The following XXYLT1 variants were observed in gnomAD, a reference collection of about 807,000 sequenced individuals.
XXYLT1 encodes the protein xyloside xylosyltransferase 1.
Under a neutral mutation model 28.9 loss-of-function variants are expected in XXYLT1, and 20 were observed. That is an observed-to-expected ratio of 0.69 (90% CI 0.49 to 1.00). The LOEUF is 1.00. Among genes scored for constraint, XXYLT1 ranks in the 50% least tolerant of loss-of-function variants. The pLI is 0.00. For missense variants in XXYLT1, 542 were observed against 560.1 expected (o/e 0.97, Z 0.33); for synonymous variants, 257 against 253.8 (o/e 1.01, Z -0.12).
intron 2 of XXYLT1, among the ~76,000 whole-genome samples, chr3:195,166,940 G>C (rs57892101): frequency 0.041 from 6,171 of 152,188 alleles, 421 homozygotes; most frequent in African/African-American, 0.14. Flanking sequence ...GCCTCCCAAA[G>C]TGCTGGGATT....
intron 3 of XXYLT1, among the ~76,000 whole-genome samples, chr3:195,110,715 G>GA (rs1717625523): frequency 7.1e-6 from 1 of 140,904 alleles, no homozygotes; most frequent in African/African-American, 2.9e-5. Flanking sequence ...TGGTGTGTGT[G>GA]GTGTGTGTGT....
chr3:195,123,476 G>A (rs543200126), intron 3 of XXYLT1, among the ~76,000 whole-genome samples: 10 of 152,258 alleles, frequency 6.6e-5, no homozygotes, highest in African/African-American at 2.2e-4. Flanking sequence ...CACTAACGTC[G>A]GTGATATAAC....
rs543996315 is a variant in XXYLT1 at position 195,087,807 on chromosome 3, G to A, written c.786-17696C>T. On this transcript the variant is annotated intron_variant, in intron 3 of 3. Transcript: ENST00000310380. ...CACTAGGGAGTGCCAGACAGTGGGC[G>A]CAGGTCAGTGGGTGCGCGCACCGTG... Among the ~76,000 whole-genome samples the A allele has an allele frequency of 4.1e-3, 622 of 152,240 alleles. 2 individuals carry two copies. Among genetic ancestry groups the A allele is most frequent in the African/African-American group, 0.014 (573 of 41,512 alleles).
At chr3:195,107,690 CA>C (rs1348024410) in intron 3 of XXYLT1, among the ~76,000 whole-genome samples, 1 of 118,406 alleles carries the variant, frequency 8.4e-6, no homozygotes, top group Non-Finnish European at 1.8e-5. Context: ...CCACAAGTGC[CA>C]GGGGGGCAAA....
At position 195,117,114 on chromosome 3, in the gene XXYLT1, T is replaced by TACACACACACACACACACAC. The variant is rs10633458; in HGVS notation, c.785+39315_785+39334dup. 3.3e-3 allele frequency among the ~76,000 whole-genome samples: 498 copies of TACACACACACACACACACAC among 148,730 alleles called. 3 individuals carry two copies. The highest frequency in any genetic ancestry group is 0.011 in the African/African-American group (463 of 40,388). On this transcript the variant is annotated intron_variant, in intron 3 of 3. Coordinates refer to ENST00000310380, the MANE Select transcript of XXYLT1 (RefSeq NM_152531.5). ...AAACATCCTATATATATATAGTGTATACACACACACACACACACACACACA... is the reference window on the plus strand; with the variant it reads ...AAACATCCTATATATATATAGTGTATACACACACACACACACACACACACACACACACACACACACACACA...
chr3:195,248,449 G>A (rs574420371), intron 1 of XXYLT1, among the ~76,000 whole-genome samples: 3 of 152,252 alleles, frequency 2.0e-5, no homozygotes, highest in African/African-American at 7.2e-5. Flanking sequence ...CCGTAAGGAG[G>A]AGTTTCCCTG....
chr3:195,185,800 C>T (rs949875626), intron 2 of XXYLT1, among the ~76,000 whole-genome samples: 5 of 152,130 alleles, frequency 3.3e-5, no homozygotes, highest in African/African-American at 1.2e-4. Flanking sequence ...CTAAAAGAGG[C>T]TCACACCCCA....
In XXYLT1 at chr3:195,069,642, C is replaced by A; in HGVS notation, c.*73G>T. 1 of 1,531,384 alleles carries A rather than the reference C, an allele frequency of 6.5e-7. No homozygotes were observed. 94.9% of individuals were successfully genotyped at this position (1,531,384 alleles called of 1,614,324 possible). A position where few individuals can be genotyped will look rare whatever the true frequency, so the allele number is the denominator to read the frequency against. ...GTCTCTCTAGCGGGTCAGACACTGC[C>A]CTTGGGTCTGTCCCAAGGAACCCTG... On this transcript the variant is annotated 3_prime_UTR_variant, in exon 4 of 4. Coordinates refer to ENST00000310380, the MANE Select transcript of XXYLT1 (RefSeq NM_152531.5).
At chr3:195,099,716 A>G (rs558516226) in intron 3 of XXYLT1, among the ~76,000 whole-genome samples, 1 of 152,020 alleles carries the variant, frequency 6.6e-6, no homozygotes, top group Admixed American at 6.6e-5. Context: ...CTGCAGTCCC[A>G]GCTACTGGGG....
chr3:195,242,231 T>C (rs1038328700), intron 1 of XXYLT1, among the ~76,000 whole-genome samples: 1 of 152,192 alleles, frequency 6.6e-6, no homozygotes, highest in Non-Finnish European at 1.5e-5. Context: ...CCCCCGGGCA[T>C]GTCATGTGCT....
chr3:195,134,710 T>C (rs74548982), intron 3 of XXYLT1: 1,845 of 155,856 alleles, frequency 0.012, 18 homozygotes, highest in South Asian at 0.024. Flanking sequence ...CGGTAAGAAA[T>C]GTATGTCTGC....
intron 3 of XXYLT1, among the ~76,000 whole-genome samples, chr3:195,093,559 T>C (rs1192297197): frequency 3.4e-5 from 5 of 147,726 alleles, no homozygotes; most frequent in Non-Finnish European, 6.0e-5. Context: ...AGGGATAGCA[T>C]TGGGGGATAT....
At chr3:195,198,067 G>A (rs1395836938) in intron 2 of XXYLT1, among the ~76,000 whole-genome samples, 1 of 152,226 alleles carries the variant, frequency 6.6e-6, no homozygotes, top group African/African-American at 2.4e-5. Flanking sequence ...ATTCACAACA[G>A]AAGATAATCC....
intron 3 of XXYLT1, among the ~76,000 whole-genome samples, chr3:195,074,430 G>T (rs1715002534): frequency 6.6e-6 from 1 of 152,216 alleles, no homozygotes; most frequent in Admixed American, 6.5e-5. Context: ...CTGGAACCCG[G>T]AAACGTGATT....
chr3:195,174,898 GC>G (rs1049733326), intron 2 of XXYLT1, among the ~76,000 whole-genome samples: 1 of 152,014 alleles, frequency 6.6e-6, no homozygotes, highest in Admixed American at 6.6e-5. Context: ...ACATGAGTGT[GC>G]CACCGTGCCC....
At chr3:195,157,242 CAAAAAAAAA>C (rs34312884) in intron 2 of XXYLT1, among the ~76,000 whole-genome samples, 3 of 73,820 alleles carry the variant, frequency 4.1e-5, no homozygotes, top group African/African-American at 5.6e-5. Context: ...GGCGCCATCT[CAAAAAAAAA>C]AAAAAAAAAA....
At chr3:195,260,794 TACGCCCAG>T (rs1403541137) in intron 1 of XXYLT1, among the ~76,000 whole-genome samples, 3 of 152,226 alleles carry the variant, frequency 2.0e-5, no homozygotes, top group African/African-American at 7.2e-5. Flanking sequence ...CGGGGGACAC[TACGCCCAG>T]AGCTTCCTTC....
chr3:195,231,506 T>A (rs1414555381), intron 1 of XXYLT1, among the ~76,000 whole-genome samples: 1 of 152,190 alleles, frequency 6.6e-6, no homozygotes, highest in African/African-American at 2.4e-5. Context: ...AGTATGATTA[T>A]TTGCTGTGGG....
At chr3:195,248,876 C>G (rs752922082) in intron 1 of XXYLT1, among the ~76,000 whole-genome samples, 3 of 152,116 alleles carry the variant, frequency 2.0e-5, no homozygotes, top group Non-Finnish European at 4.4e-5. Flanking sequence ...GCCAAGATTG[C>G]GCCACTGTAC....
Sources: gnomAD v4.1 joint callset for allele counts (sites outside exome capture counted in the v4.1 genomes callset) on GRCh38, gnomAD v4.1.1 for gene constraint, MANE v1.5 for transcripts, NCBI Gene and HGNC (gene_info 2026-07-23, HGNC 2026-07-21) for gene names.